ZNF577: variants seen among roughly 807,000 people sequenced by gnomAD.
The protein encoded by ZNF577 is zinc finger protein 577.
In ZNF577, 14 loss-of-function variants were observed where a neutral mutation model predicts 13.9. That is an observed-to-expected ratio of 1.00 (90% CI 0.66 to 1.57). The LOEUF is 1.57. ZNF577 is among the 40% of genes most tolerant of loss of function. The pLI is 0.00. For missense variants in ZNF577, 555 were observed against 579.2 expected (o/e 0.96, Z 0.43); for synonymous variants, 203 against 202.9 (o/e 1.00, Z 0.00).
At chr19:51,848,633 A>C (rs1426103232) in intron 5 of ZNF577, among the ~76,000 whole-genome samples, 1 of 152,178 alleles carries the variant, frequency 6.6e-6, no homozygotes, top group Non-Finnish European at 1.5e-5. Flanking sequence ...TGTGGAGCAG[A>C]CACGGGCAAC....
chr19:51,861,583 T>C (rs2084502862), intron 5 of ZNF577: 1 of 152,326 alleles, frequency 6.6e-6, no homozygotes, highest in Non-Finnish European at 1.5e-5. Context: ...CTATTGTGTC[T>C]GAGCTGATGT....
intron 5 of ZNF577, among the ~76,000 whole-genome samples, chr19:51,850,576 T>C (rs570940004): frequency 9.2e-5 from 14 of 152,374 alleles, no homozygotes; most frequent in African/African-American, 3.4e-4. Flanking sequence ...TGCTGTAATA[T>C]ACTGTACCTG....
intron 10 of ZNF577, among the ~76,000 whole-genome samples, chr19:51,807,216 TG>T (rs111702324): frequency 0.36 from 53,813 of 151,376 alleles, 10,147 homozygotes; most frequent in African/African-American, 0.49. Flanking sequence ...TAGCAGGAAG[TG>T]GGGGGGGTGG....
At chr19:51,840,994 C>G in intron 8 of ZNF577, 1 of 152,160 alleles carries the variant, frequency 6.6e-6, no homozygotes, top group East Asian at 1.9e-4. Flanking sequence ...TATCTCCTGC[C>G]TTTGACCTAA....
At chr19:51,823,866 G>A (rs758185337) in intron 9 of ZNF577, 39 of 1,613,878 alleles carry the variant, frequency 2.4e-5, no homozygotes, top group Non-Finnish European at 3.1e-5. Context: ...CTTTGTCTTC[G>A]GGGTCCTGGG....
intron 5 of ZNF577, among the ~76,000 whole-genome samples, chr19:51,845,812 T>C (rs1437163828): frequency 6.6e-6 from 1 of 152,240 alleles, no homozygotes; most frequent in Non-Finnish European, 1.5e-5. Flanking sequence ...TTTCCTTCTT[T>C]TTTGTGGCTC....
At chr19:51,819,510 T>C (rs758992025) in intron 9 of ZNF577, among the ~76,000 whole-genome samples, 2 of 152,110 alleles carry the variant, frequency 1.3e-5, no homozygotes, top group East Asian at 3.8e-4. Flanking sequence ...AAAAAATGTG[T>C]TTGAAGTAGG....
chr19:51,807,454 G>C (rs2122431590), intron 10 of ZNF577, among the ~76,000 whole-genome samples: 1 of 152,244 alleles, frequency 6.6e-6, no homozygotes. Context: ...ATGCTGAGTT[G>C]GTCACGTCCC....
At chr19:51,818,385 T>C (rs1236569236) in intron 9 of ZNF577, among the ~76,000 whole-genome samples, 2 of 152,214 alleles carry the variant, frequency 1.3e-5, no homozygotes, top group African/African-American at 2.4e-5. Context: ...GGCCCGTGTT[T>C]ACAGACCACA....
intron 5 of ZNF577, among the ~76,000 whole-genome samples, chr19:51,854,485 T>C (rs112952722): frequency 0.31 from 45,680 of 147,816 alleles, 7,348 homozygotes; most frequent in South Asian, 0.53. Flanking sequence ...TGCACCACCA[T>C]GCCCAGCTAA....
At chr19:51,882,900 G>C (rs553938178) in intron 1 of ZNF577, among the ~76,000 whole-genome samples, 3 of 152,032 alleles carry the variant, frequency 2.0e-5, no homozygotes, top group Non-Finnish European at 2.9e-5. Flanking sequence ...CAGGGAGGAA[G>C]GAAACAGGTG....
At chr19:51,842,427 T>G (rs2084326443) in intron 8 of ZNF577, among the ~76,000 whole-genome samples, 1 of 152,146 alleles carries the variant, frequency 6.6e-6, no homozygotes, top group African/African-American at 2.4e-5. Flanking sequence ...TGCTACTTTT[T>G]GCTCTCCTGC....
At chr19:51,813,152 A>T (rs1379300974) in intron 9 of ZNF577, among the ~76,000 whole-genome samples, 1 of 150,960 alleles carries the variant, frequency 6.6e-6, no homozygotes, top group African/African-American at 2.5e-5. Context: ...ACACACACAC[A>T]CACACACACC....
downstream of ZNF577, among the ~76,000 whole-genome samples, chr19:51,865,815 G>T (rs2084555994): frequency 6.6e-6 from 1 of 151,992 alleles, no homozygotes; most frequent in Non-Finnish European, 1.5e-5. Flanking sequence ...TATTCTCCAT[G>T]TTTGAAATTA....
rs149917851 is a variant in ZNF577 at position 51,811,149 on chromosome 19, A to G, written c.*817+308T>C. ...TAATGGCAGAAGTACAGTATGAACT[A>G]AACTCCAAGTGGAGAAAACAGAAGG... On this transcript the variant is annotated intron_variant and NMD_transcript_variant, in intron 10 of 10. Transcript: ENST00000638827. Among the ~76,000 whole-genome samples, 947 of 152,352 alleles carry G rather than the reference A, an allele frequency of 6.2e-3. 9 individuals are homozygous for G. The highest frequency in any genetic ancestry group is 0.02 in the African/African-American group (816 of 41,580).
intron 9 of ZNF577, among the ~76,000 whole-genome samples, chr19:51,837,393 G>T (rs933229370): frequency 1.3e-5 from 2 of 152,162 alleles, no homozygotes; most frequent in African/African-American, 4.8e-5. Flanking sequence ...CTGATTGGTT[G>T]GTTTCCAAGC....
chr19:51,812,959 C>A (rs907001370), intron 9 of ZNF577, among the ~76,000 whole-genome samples: 1 of 151,818 alleles, frequency 6.6e-6, no homozygotes, highest in African/African-American at 2.4e-5. Context: ...TGTCTCTACC[C>A]AAAAATACAA....
chr19:51,846,413 A>G (rs1027105051), intron 5 of ZNF577, among the ~76,000 whole-genome samples: 1 of 152,136 alleles, frequency 6.6e-6, no homozygotes, highest in African/African-American at 2.4e-5. Context: ...GTGACCTTAA[A>G]AGAAGAGATA....
intron 3 of ZNF577, 76 bp from the exon 4 acceptor site, chr19:51,878,591 T>C: frequency 6.4e-7 from 1 of 1,565,504 alleles, no homozygotes; most frequent in Non-Finnish European, 8.7e-7. Flanking sequence ...GGACATGTCT[T>C]GATCCTTTTC....
Sources: allele counts gnomAD v4.1 joint callset (sites outside exome capture counted in the v4.1 genomes callset), GRCh38; gene constraint gnomAD v4.1.1; transcripts MANE v1.5; gene names NCBI Gene and HGNC (gene_info 2026-07-23, HGNC 2026-07-21).